PLCB1: variants seen among roughly 807,000 people sequenced by gnomAD.
The protein encoded by PLCB1 is 1-phosphatidylinositol 4,5-bisphosphate phosphodiesterase beta-1.
In PLCB1, 46 loss-of-function variants were observed where a neutral mutation model predicts 161.8. The ratio of observed to expected loss-of-function variants is 0.28; its 90% CI spans 0.22 to 0.36. The LOEUF (loss-of-function observed/expected upper bound fraction) is 0.36. PLCB1 is among the 10% of genes least tolerant of loss of function. The pLI, the probability that PLCB1 is intolerant of heterozygous loss-of-function variation, is 1.00. For synonymous variants in PLCB1, 517 were observed against 503.7 expected (o/e 1.03, Z -0.35); for missense variants, 1,016 against 1,472.5 (o/e 0.69, Z 5.07).
intron 31 of PLCB1, among the ~76,000 whole-genome samples, chr20:8,830,545 C>T (rs1265017410): frequency 6.6e-6 from 1 of 152,180 alleles, no homozygotes; most frequent in Non-Finnish European, 1.5e-5. Flanking sequence ...ACTGAATACA[C>T]ATTTGGTAGA....
intron 31 of PLCB1, among the ~76,000 whole-genome samples, chr20:8,825,344 G>A (rs554230707): frequency 8.5e-5 from 13 of 152,344 alleles, no homozygotes; most frequent in African/African-American, 3.1e-4. Flanking sequence ...CGAAGATCAG[G>A]CAGAACATCT....
intron 2 of PLCB1, among the ~76,000 whole-genome samples, chr20:8,286,181 G>A (rs964411846): frequency 3.9e-5 from 6 of 152,100 alleles, no homozygotes; most frequent in Non-Finnish European, 7.4e-5. Flanking sequence ...AAGATTTGCC[G>A]GGCGTGGTAG....
At chr20:8,501,511 C>T (rs1207294863) in intron 3 of PLCB1, among the ~76,000 whole-genome samples, 1 of 152,226 alleles carries the variant, frequency 6.6e-6, no homozygotes, top group Non-Finnish European at 1.5e-5. Context: ...TCAACCCTCT[C>T]CCACCTCCTG....
Position 8,566,290 on chromosome 20 carries a change from G to T in PLCB1, c.247-62004G>T, listed in dbSNP as rs564506526. 2.6e-5 allele frequency among the ~76,000 whole-genome samples: 4 copies of T among 152,268 alleles called. 1 individual carries two copies. Among genetic ancestry groups the T allele is most frequent in the African/African-American group, 9.6e-5 (4 of 41,564 alleles). ...AAAATATTTGCTTAATGTAGCAAGT[G>T]AATGGGTGGACGAATCATCTCAGTT... On this transcript the variant is annotated intron_variant, in intron 3 of 31. Coordinates refer to ENST00000338037, the MANE Select transcript of PLCB1 (RefSeq NM_015192.4).
chr20:8,396,694 G>A (rs1046878490), intron 3 of PLCB1, among the ~76,000 whole-genome samples: 20 of 152,076 alleles, frequency 1.3e-4, no homozygotes, highest in East Asian at 9.7e-4. Context: ...AGTTGCCTTC[G>A]TGGTTTAGTA....
intron 26 of PLCB1, among the ~76,000 whole-genome samples, chr20:8,772,617 G>A (rs540012769): frequency 1.3e-3 from 191 of 152,274 alleles, no homozygotes; most frequent in Non-Finnish European, 2.0e-3. Context: ...TTATGCCCTG[G>A]TTACAATGAT....
chr20:8,333,945 C>T (rs1264682111), intron 2 of PLCB1, among the ~76,000 whole-genome samples: 1 of 152,208 alleles, frequency 6.6e-6, no homozygotes, highest in Non-Finnish European at 1.5e-5. Context: ...CGCGGTGGCT[C>T]ACGCCTATAA....
chr20:8,763,789 G>A (rs1982167521), intron 25 of PLCB1, among the ~76,000 whole-genome samples: 1 of 152,044 alleles, frequency 6.6e-6, no homozygotes, highest in Non-Finnish European at 1.5e-5. Context: ...AAAGTGCTGG[G>A]ATTACAGGCA....
At chr20:8,720,707 C>A (rs963275533) in intron 14 of PLCB1, among the ~76,000 whole-genome samples, 2 of 152,116 alleles carry the variant, frequency 1.3e-5, no homozygotes, top group Non-Finnish European at 2.9e-5. Context: ...AAGACAAATT[C>A]TTTCTTTCCC....
At chr20:8,272,205 A>C (rs932093953) in intron 2 of PLCB1, among the ~76,000 whole-genome samples, 23 of 152,186 alleles carry the variant, frequency 1.5e-4, no homozygotes, top group African/African-American at 5.5e-4. Flanking sequence ...AACTAAGAAT[A>C]TGTTTACTTG....
intron 2 of PLCB1, among the ~76,000 whole-genome samples, chr20:8,369,661 A>G (rs1247869615): frequency 6.6e-6 from 1 of 152,136 alleles, no homozygotes; most frequent in Non-Finnish European, 1.5e-5. Context: ...CTGGGTTGCC[A>G]CCTGTCACAC....
At chr20:8,871,744 C>CAAATTA (rs1379896863) in intron 31 of PLCB1, among the ~76,000 whole-genome samples, 2 of 152,140 alleles carry the variant, frequency 1.3e-5, no homozygotes, top group African/African-American at 2.4e-5. Flanking sequence ...AATAATGACT[C>CAAATTA]AAATTAACTG....
intron 3 of PLCB1, among the ~76,000 whole-genome samples, chr20:8,465,535 C>T (rs1335847777): frequency 6.6e-6 from 1 of 152,138 alleles, no homozygotes; most frequent in African/African-American, 2.4e-5. Context: ...TCTCTGATTG[C>T]TCCAACTCAC....
chr20:8,351,681 T>C (rs1009986544), intron 2 of PLCB1, among the ~76,000 whole-genome samples: 1 of 151,826 alleles, frequency 6.6e-6, no homozygotes, highest in Admixed American at 6.6e-5. Flanking sequence ...TGGCAAAACA[T>C]ATGAACAGAT....
chr20:8,261,874 A>C (rs1981716016), intron 2 of PLCB1, among the ~76,000 whole-genome samples: 1 of 152,200 alleles, frequency 6.6e-6, no homozygotes, highest in African/African-American at 2.4e-5. Context: ...TCCATCAGAC[A>C]CACAAGTCTC....
At chr20:8,233,171 C>T (rs1980152336) in intron 2 of PLCB1, among the ~76,000 whole-genome samples, 1 of 152,064 alleles carries the variant, frequency 6.6e-6, no homozygotes, top group Admixed American at 6.6e-5. Context: ...TATTCAATCC[C>T]ATCAAATATT....
At chr20:8,391,796 T>A (rs1240928362) in intron 3 of PLCB1, among the ~76,000 whole-genome samples, 3 of 122,818 alleles carry the variant, frequency 2.4e-5, no homozygotes, top group Admixed American at 7.9e-5. Context: ...TATATATATA[T>A]ATATATATAT....
chr20:8,376,734 C>A (rs923260108), intron 3 of PLCB1, among the ~76,000 whole-genome samples: 1 of 152,046 alleles, frequency 6.6e-6, no homozygotes, highest in Non-Finnish European at 1.5e-5. Flanking sequence ...CGAGACCATC[C>A]TGGCTAACAC....
At chr20:8,309,987 TTAAAGA>T (rs1984322798) in intron 2 of PLCB1, among the ~76,000 whole-genome samples, 1 of 152,210 alleles carries the variant, frequency 6.6e-6, no homozygotes, top group African/African-American at 2.4e-5. Context: ...GCAATGAGTC[TTAAAGA>T]TAAAATTTCT....
Sources: gnomAD v4.1 joint callset for allele counts (sites outside exome capture counted in the v4.1 genomes callset) on GRCh38, gnomAD v4.1.1 for gene constraint, MANE v1.5 for transcripts, NCBI Gene and HGNC (gene_info 2026-07-23, HGNC 2026-07-21) for gene names.